Variants in EPS8L3 observed in about 807,000 individuals in gnomAD.
The protein encoded by EPS8L3 is EPS8 signaling adaptor L3.
EPS8L3 carries 80 observed loss-of-function variants against 88.5 expected under a neutral mutation model. That is an observed-to-expected ratio of 0.90 (90% confidence interval 0.75 to 1.09). EPS8L3 has a LOEUF of 1.09. EPS8L3 is among the 50% of genes least tolerant of loss of function. EPS8L3 has a pLI of 0.00. For synonymous variants in EPS8L3, 286 were observed against 291.0 expected (o/e 0.98, Z 0.18); for missense variants, 721 against 735.2 (o/e 0.98, Z 0.22).
intron 1 of EPS8L3, among the ~76,000 whole-genome samples, chr1:109,762,488 T>C (rs1007279556): frequency 6.6e-6 from 1 of 152,098 alleles, no homozygotes; most frequent in African/African-American, 2.4e-5. Context: ...CTGCCCAGGG[T>C]ACCCTCCTAA....
chr1:109,751,373 G>A (rs1570674445), intron 16 of EPS8L3, 22 bp from the exon 17 acceptor site: 1 of 1,610,352 alleles, frequency 6.2e-7, no homozygotes, highest in East Asian at 2.2e-5. Flanking sequence ...GGGAACCAGG[G>A]ATCAGAGTCC....
Position 109,752,087 on chromosome 1 carries a change from GT to G in EPS8L3, c.1341del (p.Lys447AsnfsTer7), listed in dbSNP as rs762606089. On this transcript the variant is annotated frameshift_variant, in exon 15 of 19. Coordinates refer to ENST00000361965, the MANE Select transcript of EPS8L3 (RefSeq NM_133181.4). LOFTEE classifies it high-confidence loss of function. ...TGCATTTTCAGGGCTGGCTGGGCAG[GT>G]TTGGGGCTGGAGGGCCTGGAGTTGG... ...GDPNSRPSSP[K>X]PAQPALKMQV... is the part of the protein sequence containing the mutation. 49 of 1,614,056 alleles carry G rather than the reference GT, an allele frequency of 3.0e-5. No individual in the cohort carries two copies. The highest frequency in any genetic ancestry group is 4.0e-5 in the Non-Finnish European group (47 of 1,180,038).
intron 12 of EPS8L3, among the ~76,000 whole-genome samples, chr1:109,756,334 G>T (rs997473094): frequency 6.6e-6 from 1 of 152,186 alleles, no homozygotes; most frequent in Non-Finnish European, 1.5e-5. Context: ...CGCCTCCCAG[G>T]TTCAAGTGAT....
intron 12 of EPS8L3, among the ~76,000 whole-genome samples, chr1:109,756,615 C>T (rs1433331822): frequency 6.6e-6 from 1 of 152,182 alleles, no homozygotes; most frequent in Admixed American, 6.5e-5. Flanking sequence ...ACCTCAGGCT[C>T]ATTGGTTGCC....
Position 109,754,871 on chromosome 1 carries a change from C to T in EPS8L3, c.1119-1673G>A, listed in dbSNP as rs961113722. Among the ~76,000 whole-genome samples the T allele has an allele frequency of 1.2e-4, 19 of 152,254 alleles. No individual in the cohort carries two copies. In the East Asian group the frequency reaches 3.7e-3, roughly 29 times the overall value. On this transcript the variant is annotated intron_variant, in intron 12 of 18. Coordinates refer to ENST00000361965, the MANE Select transcript of EPS8L3 (RefSeq NM_133181.4). ...CTGGCTTATTCAGGTACTCTTAGTCCCAGGGTTTTGGACAAGGGAACTCTG... is the reference window on the plus strand; with the variant it reads ...CTGGCTTATTCAGGTACTCTTAGTCTCAGGGTTTTGGACAAGGGAACTCTG...
intron 14 of EPS8L3, 62 bp from the exon 15 acceptor site, chr1:109,752,255 C>A: frequency 6.8e-6 from 10 of 1,471,644 alleles, no homozygotes; most frequent in Non-Finnish European, 9.3e-6. Context: ...TATGTCCCAG[C>A]CCTGAGATTC....
At chr1:109,752,229 C>T in intron 14 of EPS8L3, 36 bp from the exon 15 acceptor site, 1 of 1,579,816 alleles carries the variant, frequency 6.3e-7, no homozygotes, top group Non-Finnish European at 8.6e-7. Context: ...GAGAATGGGG[C>T]CTCAGAAATT....
At chr1:109,760,825 A>G (rs1650841788) in intron 3 of EPS8L3, among the ~76,000 whole-genome samples, 1 of 151,846 alleles carries the variant, frequency 6.6e-6, no homozygotes, top group Non-Finnish European at 1.5e-5. Flanking sequence ...TCTACCCCAG[A>G]GCTCCAGCCT....
In EPS8L3 at chr1:109,750,567, G is replaced by A; in HGVS notation, c.1770+93C>T. On this transcript the variant is annotated intron_variant, in intron 18 of 18. Coordinates refer to ENST00000361965, the MANE Select transcript of EPS8L3 (RefSeq NM_133181.4). ...CCCGCCACACTCAGTTCTGCCCCAG[G>A]GCTGGGCCTGCAGGCTTTTCCAACT... is the stretch of plus-strand genomic sequence containing the variant. The A allele has an allele frequency of 1.9e-6, 3 of 1,598,046 alleles. No individual in the cohort carries two copies. In the South Asian group the frequency reaches 3.3e-5, roughly 18 times the overall value.
At chr1:109,762,875 C>T (rs987698226) in intron 1 of EPS8L3, among the ~76,000 whole-genome samples, 1 of 152,168 alleles carries the variant, frequency 6.6e-6, no homozygotes, top group Non-Finnish European at 1.5e-5. Context: ...GGGCTGTGCG[C>T]AGTCACAGAG....
At position 109,758,300 on chromosome 1, in the gene EPS8L3, G is replaced by T. The variant is rs376574960; in HGVS notation, c.717+16C>A. ...GCCCAGAAAGCCTCAGCAAACTCAA[G>T]ACCATCCGCAGTTACCTCGTCCCTC... On this transcript the variant is annotated intron_variant, in intron 8 of 18. Coordinates refer to ENST00000361965, the MANE Select transcript of EPS8L3 (RefSeq NM_133181.4). The T allele has an allele frequency of 6.2e-7, 1 of 1,605,800 alleles. No individual in the cohort carries two copies. The highest frequency in any genetic ancestry group is 8.5e-7 in the Non-Finnish European group (1 of 1,173,014).
At chr1:109,752,416 T>C (rs1233725022) in intron 14 of EPS8L3, 4 of 606,524 alleles carry the variant, frequency 6.6e-6, no homozygotes, top group Non-Finnish European at 1.2e-5. Context: ...TGGAATTTTC[T>C]ACATCTGAGT....
chr1:109,750,092 A>T lies in EPS8L3; in HGVS notation c.*299T>A, dbSNP rs1570670602. ...AGGGAGGCACATGACAAGCTTGAAG[A>T]TGCTTTTATTGAGAAGGAGAGGGAC... On this transcript the variant is annotated 3_prime_UTR_variant, in exon 19 of 19. Transcript: ENST00000361965. 2.2e-6 allele frequency: 1 copy of T among 453,448 alleles called. No individual in the cohort carries two copies. The highest frequency in any genetic ancestry group is 2.0e-5 in the African/African-American group (1 of 50,500). The allele number at this position is 453,448 out of a possible 1,614,324, so 28.1% of individuals were successfully genotyped here.
rs761747437 is a variant in EPS8L3, at chr1:109,757,827, T to G, written c.869A>C (p.Lys290Thr). The change falls in exon 10 of 19, where the codon AAG becomes ACG. Residue 290 changes from lysine to threonine, a missense_variant. Transcript: ENST00000361965. ...CAGGAGGTTGAAGCTGTGCTTGATCTTCTGGAAGCAGTCAATGTACTGTGC... is the reference window on the plus strand; with the variant it reads ...CAGGAGGTTGAAGCTGTGCTTGATCGTCTGGAAGCAGTCAATGTACTGTGC... ...TQAQYIDCFQ[K>T]IKHSFNLLGR... 6.2e-7 allele frequency: 1 copy of G among 1,614,148 alleles called. No homozygotes were observed. The highest frequency in any genetic ancestry group is 1.1e-5 in the South Asian group (1 of 91,088).
chr1:109,756,386 G>T (rs561066919), intron 12 of EPS8L3, among the ~76,000 whole-genome samples: 124 of 152,280 alleles, frequency 8.1e-4, no homozygotes, highest in African/African-American at 2.8e-3. Flanking sequence ...TTACAGGCAT[G>T]CACCACTACA....
At position 109,759,950 on chromosome 1, in the gene EPS8L3, G is replaced by C. The variant is rs1478794565; in HGVS notation, c.97-114C>G. On this transcript the variant is annotated intron_variant, in intron 3 of 18. Coordinates refer to ENST00000361965, the MANE Select transcript of EPS8L3 (RefSeq NM_133181.4). This position sits in a 1 kb window ranked among gnomAD's most constrained non-coding sequence, Gnocchi z 4.2. ...GAAGACGTGTCCTCGGCCCCCTTGA[G>C]GTAGGAGGTTCCAGGCTTCAGATAA... 1 of 1,163,268 alleles carries C rather than the reference G, an allele frequency of 8.6e-7. No individual in the cohort carries two copies. The highest frequency in any genetic ancestry group is 1.2e-6 in the Non-Finnish European group (1 of 832,134). The allele number at this position is 1,163,268 out of a possible 1,614,324, so 72.1% of individuals were successfully genotyped here.
intron 17 of EPS8L3, 115 bp from the exon 18 acceptor site, chr1:109,750,907 T>C: frequency 8.1e-7 from 1 of 1,235,260 alleles, no homozygotes; most frequent in East Asian, 2.5e-5. Flanking sequence ...GAAAAATTCA[T>C]GGAGTAGGCT....
chr1:109,752,860 G>T, intron 13 of EPS8L3, 140 bp from the exon 14 acceptor site: 1 of 824,304 alleles, frequency 1.2e-6, no homozygotes, highest in Non-Finnish European at 2.0e-6. Context: ...CCAGTTTACA[G>T]ATACAGGTAC....
At chr1:109,762,979 G>C (rs1651157412) in intron 1 of EPS8L3, among the ~76,000 whole-genome samples, 1 of 152,190 alleles carries the variant, frequency 6.6e-6, no homozygotes, top group African/African-American at 2.4e-5. Flanking sequence ...CGGGTCAAGG[G>C]TATGTGTTAT....
Sources: allele counts gnomAD v4.1 joint callset (sites outside exome capture counted in the v4.1 genomes callset), GRCh38; gene constraint gnomAD v4.1.1; non-coding constraint Gnocchi (gnomAD v3.1); transcripts MANE v1.5; gene names NCBI Gene and HGNC (gene_info 2026-07-23, HGNC 2026-07-21).